VAV2: variants seen among roughly 807,000 people sequenced by gnomAD.
The protein encoded by VAV2 is vav guanine nucleotide exchange factor 2.
A neutral mutation model predicts 132.5 loss-of-function variants in VAV2; 67 were observed. That is an observed-to-expected ratio of 0.51 (90% confidence interval 0.42 to 0.62). The LOEUF is 0.62. Ranked by LOEUF, VAV2 falls within the 20% of genes least tolerant of loss-of-function variation. The pLI is 0.00. For synonymous variants in VAV2, 492 were observed against 443.5 expected, an observed-to-expected ratio of 1.11 and a Z score of -1.37; for missense variants, 938 against 1,153.6, an observed-to-expected ratio of 0.81 and a Z score of 2.71.
chr9:133,910,818 G>C (rs1385520957), intron 2 of VAV2, among the ~76,000 whole-genome samples: 2 of 101,272 alleles, frequency 2.0e-5, no homozygotes, highest in South Asian at 3.9e-4. Context: ...AGCGAGACTC[G>C]GTCTCAAAAA....
intron 3 of VAV2, among the ~76,000 whole-genome samples, chr9:133,859,144 TC>T (rs1051292362): frequency 5.3e-5 from 8 of 152,058 alleles, no homozygotes; most frequent in Non-Finnish European, 1.2e-4. Context: ...TCAAAGGGCC[TC>T]CCCATTCATC....
intron 2 of VAV2, among the ~76,000 whole-genome samples, chr9:133,933,437 GTGGA>G (rs1313141430): frequency 2.0e-5 from 3 of 151,690 alleles, no homozygotes; most frequent in Non-Finnish European, 4.4e-5. Context: ...TGGATGAATG[GTGGA>G]TGGATGGATG....
intron 1 of VAV2, among the ~76,000 whole-genome samples, chr9:133,977,557 G>A (rs760706611): frequency 6.6e-6 from 1 of 152,140 alleles, no homozygotes; most frequent in African/African-American, 2.4e-5. Flanking sequence ...CACCCTCCAC[G>A]CATGACAGCT....
At chr9:133,793,990 C>T (rs961754101) in intron 12 of VAV2, among the ~76,000 whole-genome samples, 25 of 152,132 alleles carry the variant, frequency 1.6e-4, no homozygotes, top group Non-Finnish European at 1.6e-4. Flanking sequence ...GAAAGGCAGA[C>T]GCACACCCGC....
In VAV2 at chr9:133,819,529, T is replaced by A. The variant is rs145293997; in HGVS notation, c.450-7313A>T. 8.2e-3 allele frequency among the ~76,000 whole-genome samples: 1,251 copies of A among 152,242 alleles called. 30 individuals carry two copies. Among genetic ancestry groups the A allele is most frequent in the Admixed American group, 0.047 (724 of 15,294 alleles). ...AATCTGTCTCTGGGACAGAATCATC[T>A]TAAACACGCAGACAACATCCCTTCT... On this transcript the variant is annotated intron_variant, in intron 4 of 29. Coordinates refer to ENST00000371850, the MANE Select transcript of VAV2 (RefSeq NM_001134398.2).
chr9:133,932,769 A>G (rs1006663297), intron 2 of VAV2, among the ~76,000 whole-genome samples: 11 of 152,222 alleles, frequency 7.2e-5, no homozygotes, highest in African/African-American at 2.4e-4. Flanking sequence ...CCGAGCCTGG[A>G]TGAGAGGAGG....
intron 4 of VAV2, among the ~76,000 whole-genome samples, chr9:133,827,085 G>A (rs554643000): frequency 6.6e-6 from 1 of 152,298 alleles, no homozygotes. Flanking sequence ...AGTGCCAGGA[G>A]GGGGACAGAG....
chr9:133,829,078 C>CT (rs1836162993), intron 4 of VAV2, among the ~76,000 whole-genome samples: 1 of 152,204 alleles, frequency 6.6e-6, no homozygotes, highest in East Asian at 1.9e-4. Context: ...GGCTGGGAGC[C>CT]CCCCAGTGCA....
Position 133,768,546 on chromosome 9 carries a change from C to T in VAV2, c.2485G>A (p.Ala829Thr), listed in dbSNP as rs1415577020. 4 of 1,613,994 alleles carry T rather than the reference C, an allele frequency of 2.5e-6. No individual in the cohort carries two copies. The highest frequency in any genetic ancestry group is 3.4e-6 in the Non-Finnish European group (4 of 1,179,976). The change falls in exon 29 of 30, where the codon GCC (alanine) becomes ACC (threonine). Residue 829 changes from alanine (A) to threonine (T), a missense_variant. Coordinates refer to ENST00000371850, the MANE Select transcript of VAV2 (RefSeq NM_001134398.2). The surrounding 1 kb of genome is among the most constrained non-coding windows in gnomAD (Gnocchi z 5.3). ...GTAVARYNFA[A>T]RDMRELSLRE... ...AGCGAAAGCTCCCTCATATCTCGGGCGGCAAAGTTATACCTGGCCACAGCT... is the reference window on the plus strand; with the variant it reads ...AGCGAAAGCTCCCTCATATCTCGGGTGGCAAAGTTATACCTGGCCACAGCT...
At chr9:133,780,049 G>C (rs764052778) in intron 20 of VAV2, 110 bp from the exon 21 acceptor site, 1 of 1,454,570 alleles carries the variant, frequency 6.9e-7, no homozygotes, top group African/African-American at 1.4e-5. Flanking sequence ...TAGATAGAGG[G>C]GTCAAGGCAG....
chr9:133,854,285 ACACACACACCCATGTGCACCTG>A (rs763489684), intron 3 of VAV2, among the ~76,000 whole-genome samples: 7 of 135,586 alleles, frequency 5.2e-5, no homozygotes, highest in Non-Finnish European at 9.1e-5. Flanking sequence ...CCATATGCAC[ACACACACACCCATGTGCACCTG>A]CACACACACC....
At position 133,991,932 on chromosome 9, in the gene VAV2, C is replaced by T; in HGVS notation, c.204+143G>A. On this transcript the variant is annotated intron_variant, in intron 1 of 29. Coordinates refer to ENST00000371850, the MANE Select transcript of VAV2 (RefSeq NM_001134398.2). The surrounding 1 kb of genome is among the most constrained non-coding windows in gnomAD (Gnocchi z 4.8). ...GTCTCGGAGGCCCGGGGCGCACCCT[C>T]CAGCCGCCCGCCCGCGTCCCGGAGC... is the stretch of plus-strand genomic sequence containing the variant. 3.2e-6 allele frequency: 2 copies of T among 625,908 alleles called. No individual in the cohort carries two copies. The highest frequency in any genetic ancestry group is 4.1e-6 in the Non-Finnish European group (2 of 484,842). 38.8% of individuals were successfully genotyped at this position (625,908 alleles called of 1,614,324 possible). A position where few individuals can be genotyped will look rare whatever the true frequency, so the allele number is the denominator to read the frequency against.
intron 13 of VAV2, among the ~76,000 whole-genome samples, chr9:133,790,187 T>C (rs1424692223): frequency 1.3e-5 from 2 of 152,082 alleles, no homozygotes; most frequent in African/African-American, 2.4e-5. Flanking sequence ...TTCTTGTTGT[T>C]GTCGTTTTTG....
At chr9:133,949,154 C>T (rs984385602) in intron 1 of VAV2, among the ~76,000 whole-genome samples, 1 of 152,150 alleles carries the variant, frequency 6.6e-6, no homozygotes, top group African/African-American at 2.4e-5. Flanking sequence ...CAAAACGCGA[C>T]TCACAACGCA....
intron 3 of VAV2, among the ~76,000 whole-genome samples, chr9:133,856,146 G>A (rs1478898969): frequency 6.6e-6 from 1 of 152,232 alleles, no homozygotes; most frequent in Non-Finnish European, 1.5e-5. Flanking sequence ...GGGGAGGGCG[G>A]TGACTGCTCA....
intron 1 of VAV2, among the ~76,000 whole-genome samples, chr9:133,977,295 G>A (rs575243107): frequency 1.3e-5 from 2 of 152,326 alleles, no homozygotes; most frequent in South Asian, 4.1e-4. Context: ...GGGGGTCTTG[G>A]CTTTCACCAA....
In VAV2 at chr9:133,804,776, T is replaced by A. The variant is rs1461144260; in HGVS notation, c.836+1305A>T. On this transcript the variant is annotated intron_variant, in intron 9 of 29. Coordinates refer to ENST00000371850, the MANE Select transcript of VAV2 (RefSeq NM_001134398.2). The surrounding 1 kb of genome is among the most constrained non-coding windows in gnomAD (Gnocchi z 4.5). The stretch of plus-strand genomic sequence containing the variant: ...CCCACAGATGAAGGGAACACCTTGC[T>A]GAGGGCAGGTTAGGGAGCTGTCCTC... 6.6e-6 allele frequency among the ~76,000 whole-genome samples: 1 copy of A among 152,230 alleles called. No homozygotes were observed. The highest frequency in any genetic ancestry group is 2.4e-5 in the African/African-American group (1 of 41,462).
At chr9:133,781,840 G>A (rs1400004377) in intron 19 of VAV2, among the ~76,000 whole-genome samples, 14 of 152,222 alleles carry the variant, frequency 9.2e-5, no homozygotes, top group African/African-American at 3.1e-4. Context: ...CAGCCAGGGC[G>A]CTGCCAGGAC....
intron 1 of VAV2, among the ~76,000 whole-genome samples, chr9:133,988,750 C>T (rs1441523089): frequency 2.0e-5 from 3 of 152,190 alleles, no homozygotes; most frequent in South Asian, 2.1e-4. Context: ...AGTGAAACCC[C>T]GTCTCTACTA....
Sources: gnomAD v4.1 joint callset for allele counts (sites outside exome capture counted in the v4.1 genomes callset) on GRCh38, gnomAD v4.1.1 for gene constraint, Gnocchi (gnomAD v3.1) non-coding constraint, MANE v1.5 for transcripts, NCBI Gene and HGNC (gene_info 2026-07-23, HGNC 2026-07-21) for gene names.